Variants in BTF3 observed in about 807,000 individuals in gnomAD.
BTF3 encodes transcription factor BTF3.
A neutral mutation model predicts 23.9 loss-of-function variants in BTF3; 12 were observed. That is an observed-to-expected ratio of 0.50 (90% CI 0.32 to 0.81). The LOEUF (loss-of-function observed/expected upper bound fraction) is 0.81, where lower values mean the gene tolerates loss of function less well. BTF3 is among the 40% of genes least tolerant of loss of function. The pLI is 0.03. For synonymous variants in BTF3, 96 were observed against 94.8 expected, an observed-to-expected ratio of 1.01 and a Z score of -0.07; for missense variants, 215 against 255.9, an observed-to-expected ratio of 0.84 and a Z score of 1.09.
Position 73,498,810 on chromosome 5 carries a change from G to T in BTF3, c.132+11G>T. On this transcript the variant is annotated intron_variant, in intron 1 of 5. Transcript: ENST00000380591. ...GGACAGGAGCCTCAGGTACCGCGAG[G>T]CTTGCGGAGAGTGGCCGGGCCGGGC... is the stretch of plus-strand genomic sequence containing the variant. 6.6e-7 allele frequency: 1 copy of T among 1,506,978 alleles called. No homozygotes were observed. The highest frequency in any genetic ancestry group is 8.8e-7 in the Non-Finnish European group (1 of 1,137,610). 93.4% of individuals were successfully genotyped at this position (1,506,978 alleles called of 1,614,324 possible). A position where few individuals can be genotyped will look rare whatever the true frequency, so the allele number is the denominator to read the frequency against.
At chr5:73,504,896 C>T in intron 5 of BTF3, 1 of 302,400 alleles carries the variant, frequency 3.3e-6, no homozygotes, top group Non-Finnish European at 6.0e-6. Context: ...AATCACTGGA[C>T]TCATAAATAT....
intron 2 of BTF3, 80 bp downstream of exon 2, chr5:73,499,282 TTA>T: frequency 6.9e-7 from 1 of 1,455,394 alleles, no homozygotes; most frequent in Non-Finnish European, 9.5e-7. Flanking sequence ...TTTGCGCTTC[TTA>T]TATTATCGGT....
chr5:73,498,789 A>T lies in BTF3; in HGVS notation c.122A>T (p.Gln41Leu). Residue 41 changes from glutamine to leucine, a missense_variant, in exon 1 of 6, where the codon CAG becomes CTG. By Grantham distance (113) the Gln-to-Leu change is moderately radical. Transcript: ENST00000380591. ...QPPPRGGTRG[Q>L]EPQMKETIMN... ...CCACCTCGCGGCGGAACCCGAGGAC[A>T]GGAGCCTCAGGTACCGCGAGGCTTG... 6.6e-7 allele frequency: 1 copy of T among 1,508,096 alleles called. No individual in the cohort carries two copies. Among genetic ancestry groups the T allele is most frequent in the Non-Finnish European group, 8.8e-7 (1 of 1,137,400 alleles). 93.4% of individuals were successfully genotyped at this position (1,508,096 alleles called of 1,614,324 possible). A position where few individuals can be genotyped will look rare whatever the true frequency, so the allele number is the denominator to read the frequency against.
chr5:73,498,469 C>T lies in BTF3; in HGVS notation c.-199C>T. The stretch of plus-strand genomic sequence containing the variant: ...CTTTAGCTGCCATCTTGCGTCCCCG[C>T]GTGTGTGCGCCTAATCTCAGGTGGT... On this transcript the variant is annotated 5_prime_UTR_variant, in exon 1 of 6. Coordinates refer to ENST00000380591, the MANE Select transcript of BTF3 (RefSeq NM_001037637.2). 3.2e-6 allele frequency: 2 copies of T among 633,850 alleles called. No individual in the cohort carries two copies. Among genetic ancestry groups the T allele is most frequent in the East Asian group, 3.5e-5 (1 of 28,580 alleles). The allele number at this position is 633,850 out of a possible 1,614,324, so 39.3% of individuals were successfully genotyped here.
intron 2 of BTF3, chr5:73,499,595 C>T (rs1746384945): frequency 6.0e-6 from 2 of 335,284 alleles, no homozygotes; most frequent in South Asian, 2.5e-5. Flanking sequence ...CCTTTCTGTA[C>T]TGCTTTCTGA....
rs770688382 is a variant in BTF3 at position 73,505,176 on chromosome 5, CTT to C, written c.575-13_575-12del. Reference sequence around the variant, plus strand: ...TTTGGCTTTTTTAAGAATTTCTACTCTTTTCCTTTTCCTAGATCTTGTGGAGA... The same window carrying C: ...TTTGGCTTTTTTAAGAATTTCTACTCTTCCTTTTCCTAGATCTTGTGGAGA... On this transcript the variant is annotated splice_polypyrimidine_tract_variant and intron_variant, in intron 5 of 5. Coordinates refer to ENST00000380591, the MANE Select transcript of BTF3 (RefSeq NM_001037637.2). 26 of 1,604,850 alleles carry C rather than the reference CTT, an allele frequency of 1.6e-5. No individual in the cohort carries two copies. Among genetic ancestry groups the C allele is most frequent in the Non-Finnish European group, 2.0e-5 (23 of 1,177,308 alleles).
rs747392162 is a variant in BTF3, at chr5:73,502,944, T to C, written c.344T>C (p.Val115Ala). 1.9e-6 allele frequency: 3 copies of C among 1,612,718 alleles called. 1 individual carries two copies. The highest frequency in any genetic ancestry group is 2.2e-5 in the South Asian group (2 of 91,014). Residue 115 changes from valine (V) to alanine (A), a missense_variant, in exon 4 of 6, where the codon GTG (valine) becomes GCG (alanine). This residue lies in a region of BTF3 where 99 missense variants were observed against 171.2 expected (regional missense o/e 0.58). Transcript: ENST00000380591. ...EVNMFTNQGT[V>A]IHFNNPKVQA... ...AATATGTTTACAAACCAAGGAACAG[T>C]GATCCACTTTAACAACCCTAAAGTT...
In BTF3 at chr5:73,498,656, G is replaced by A. The variant is rs767504951; in HGVS notation, c.-12G>A. On this transcript the variant is annotated 5_prime_UTR_variant, in exon 1 of 6. Coordinates refer to ENST00000380591, the MANE Select transcript of BTF3 (RefSeq NM_001037637.2). Reference sequence around the variant, plus strand: ...GACAGGGAGGGACAGGGCAGAGGAGGAGAGGAAGGCGATGCGACGGACAGG... The same window carrying A: ...GACAGGGAGGGACAGGGCAGAGGAGAAGAGGAAGGCGATGCGACGGACAGG... 1 of 1,504,112 alleles carries A rather than the reference G, an allele frequency of 6.6e-7. No homozygotes were observed. The highest frequency in any genetic ancestry group is 1.4e-5 in the African/African-American group (1 of 69,082). The allele number at this position is 1,504,112 out of a possible 1,614,324, so 93.2% of individuals were successfully genotyped here.
intron 2 of BTF3, among the ~76,000 whole-genome samples, chr5:73,500,140 C>T (rs1746401258): frequency 6.6e-6 from 1 of 152,146 alleles, no homozygotes; most frequent in African/African-American, 2.4e-5. Flanking sequence ...ACTTTGCCAG[C>T]GGTGAATTTA....
At chr5:73,503,172 C>G in intron 4 of BTF3, 55 bp downstream of exon 4, 1 of 1,569,142 alleles carries the variant, frequency 6.4e-7, no homozygotes, top group Admixed American at 1.7e-5. Flanking sequence ...CAGCTGATTT[C>G]TGATCTCAGG....
rs931097057 is a variant in BTF3, at chr5:73,499,129, T to C, written c.133-5T>C. 6.2e-7 allele frequency: 1 copy of C among 1,606,768 alleles called. No homozygotes were observed. On this transcript the variant is annotated splice_polypyrimidine_tract_variant and splice_region_variant and intron_variant, in intron 1 of 5. Transcript: ENST00000380591. ...ATCCTTGCTGAGGATTTCCTCTTTTTCTAGATGAAAGAAACAATCATGAAC... is the reference window on the plus strand; with the variant it reads ...ATCCTTGCTGAGGATTTCCTCTTTTCCTAGATGAAAGAAACAATCATGAAC...
intron 2 of BTF3, among the ~76,000 whole-genome samples, chr5:73,501,268 G>T (rs1413587797): frequency 6.6e-6 from 1 of 152,136 alleles, no homozygotes; most frequent in Non-Finnish European, 1.5e-5. Flanking sequence ...GATGGAGGTT[G>T]GGGGACGGTG....
In BTF3 at chr5:73,501,658, A is replaced by G. The variant is rs553736264; in HGVS notation, c.202-830A>G. On this transcript the variant is annotated intron_variant, in intron 2 of 5. Transcript: ENST00000380591. ...GCTTGGCCTGTTCAAAGAATAGCCA[A>G]GGTTTATTGGCTAAAGAAGAGGGAT... is the stretch of plus-strand genomic sequence containing the variant. Among the ~76,000 whole-genome samples, 27 of 152,264 alleles carry G rather than the reference A, an allele frequency of 1.8e-4. No homozygotes were observed. The East Asian group carries it at 3.5e-3, about 20-fold the overall frequency.
Position 73,500,608 on chromosome 5 carries a change from G to A in BTF3, c.201+1406G>A, listed in dbSNP as rs114157475. Reference sequence around the variant, plus strand: ...AACATTTCTACACTGTTTAAGAAACGTACTTATTATGGGATGTGAAATTAG... The same window carrying A: ...AACATTTCTACACTGTTTAAGAAACATACTTATTATGGGATGTGAAATTAG... On this transcript the variant is annotated intron_variant, in intron 2 of 5. Transcript: ENST00000380591. Among the ~76,000 whole-genome samples the A allele has an allele frequency of 6.8e-3, 1,039 of 152,264 alleles. 14 individuals carry two copies. Among genetic ancestry groups the A allele is most frequent in the African/African-American group, 0.024 (1,003 of 41,548 alleles).
chr5:73,498,717 G>A lies in BTF3; in HGVS notation c.50G>A (p.Arg17Gln). The change falls in exon 1 of 6, where the codon CGA (arginine) becomes CAA (glutamine). Residue 17 changes from arginine (R) to glutamine (Q), a missense_variant. By Grantham distance (43) the Arg-to-Gln change is conservative (BLOSUM62 1). Coordinates refer to ENST00000380591, the MANE Select transcript of BTF3 (RefSeq NM_001037637.2). ...CAGGCTGACTCTCGGGGGCGAGGTC[G>A]AGCCAGGGGCGGCTGCCCTGGGGGC... is the stretch of plus-strand genomic sequence containing the variant. ...PAQADSRGRGRARGGCPGGEA... is the reference protein window; with the variant it reads ...PAQADSRGRGQARGGCPGGEA... The A allele has an allele frequency of 6.7e-7, 1 of 1,485,634 alleles. No homozygotes were observed. The highest frequency in any genetic ancestry group is 8.9e-7 in the Non-Finnish European group (1 of 1,128,572). The allele number at this position is 1,485,634 out of a possible 1,614,324, so 92.0% of individuals were successfully genotyped here.
chr5:73,503,186 C>T (rs1746480532), intron 4 of BTF3, 69 bp downstream of exon 4: 3 of 1,502,614 alleles, frequency 2.0e-6, no homozygotes, highest in Non-Finnish European at 2.8e-6. Context: ...TCTCAGGGCT[C>T]AGAATGGATA....
In BTF3 at chr5:73,498,569, G is replaced by C; in HGVS notation, c.-99G>C. 3 of 1,401,962 alleles carry C rather than the reference G, an allele frequency of 2.1e-6. No homozygotes were observed. Among genetic ancestry groups the C allele is most frequent in the East Asian group, 5.8e-5 (2 of 34,378 alleles). The allele number at this position is 1,401,962 out of a possible 1,614,324, so 86.8% of individuals were successfully genotyped here. ...ATTCGCTCCGACAAGGTACAAAAAG[G>C]CTCTGGACGGCGGCGTGGTAGGAGG... On this transcript the variant is annotated 5_prime_UTR_variant, in exon 1 of 6. Transcript: ENST00000380591.
Position 73,503,527 on chromosome 5 carries a change from C to T in BTF3, c.517+410C>T, listed in dbSNP as rs183327966. Reference sequence around the variant, plus strand: ...TAAAAATGGCTTGCCAGTATTCTGGCATTTTTAATTACAGTGTGATAGGGA... The same window carrying T: ...TAAAAATGGCTTGCCAGTATTCTGGTATTTTTAATTACAGTGTGATAGGGA... On this transcript the variant is annotated intron_variant, in intron 4 of 5. Coordinates refer to ENST00000380591, the MANE Select transcript of BTF3 (RefSeq NM_001037637.2). 7.2e-4 allele frequency among the ~76,000 whole-genome samples: 109 copies of T among 152,274 alleles called. 1 individual carries two copies. Among genetic ancestry groups the T allele is most frequent in the African/African-American group, 2.5e-3 (105 of 41,556 alleles).
At chr5:73,501,624 T>C (rs1411328421) in intron 2 of BTF3, among the ~76,000 whole-genome samples, 1 of 152,064 alleles carries the variant, frequency 6.6e-6, no homozygotes, top group Admixed American at 6.6e-5. Flanking sequence ...GGCCCTTGGG[T>C]CATAGCCTGC....
Sources: allele counts gnomAD v4.1 joint callset (sites outside exome capture counted in the v4.1 genomes callset), GRCh38; gene constraint gnomAD v4.1.1; regional missense constraint gnomAD v4.1.1; transcripts MANE v1.5; gene names NCBI Gene and HGNC (gene_info 2026-07-23, HGNC 2026-07-21).